LAMA1: variants seen among roughly 807,000 people sequenced by gnomAD.
LAMA1 encodes the protein laminin subunit alpha 1, also known as laminin subunit alpha-1.
LAMA1 carries 219 observed loss-of-function variants against 348.7 expected under a neutral mutation model. The ratio of observed to expected loss-of-function variants is 0.63; its 90% CI spans 0.56 to 0.70. The LOEUF (loss-of-function observed/expected upper bound fraction) is 0.70, where lower values mean the gene tolerates loss of function less well. LAMA1 is among the 30% of genes least tolerant of loss of function. The pLI is 0.00. For missense variants in LAMA1, 3,744 were observed against 3,888.0 expected, an observed-to-expected ratio of 0.96 and a Z score of 0.99; for synonymous variants, 1,487 against 1,491.0, an observed-to-expected ratio of 1.00 and a Z score of 0.06.
At chr18:7,049,484 G>A (rs554586555) in intron 4 of LAMA1, among the ~76,000 whole-genome samples, 2 of 152,170 alleles carry the variant, frequency 1.3e-5, no homozygotes, top group East Asian at 3.9e-4. Context: ...ATTTTTAGTA[G>A]AGACAGGGTT....
rs757473317 is a variant in LAMA1 at position 7,007,296 on chromosome 18, A to C, written c.4123-20T>G. 8.7e-6 allele frequency: 14 copies of C among 1,609,944 alleles called. No individual in the cohort carries two copies. Among genetic ancestry groups the C allele is most frequent in the Non-Finnish European group, 1.1e-5 (13 of 1,177,574 alleles). ...GCAGTCCTGAGGGGGTGCAAAAGGG[A>C]GGACAAAAAAGTCTGATTAATGAGT... On this transcript the variant is annotated intron_variant, in intron 28 of 62. Coordinates refer to ENST00000389658, the MANE Select transcript of LAMA1 (RefSeq NM_005559.4).
At chr18:7,081,302 C>T (rs1415209186) in intron 1 of LAMA1, among the ~76,000 whole-genome samples, 1 of 152,168 alleles carries the variant, frequency 6.6e-6, no homozygotes, top group Non-Finnish European at 1.5e-5. Context: ...ATATATTTAT[C>T]AATGCAATCC....
At chr18:6,983,937 C>T (rs1450561475) in intron 39 of LAMA1, among the ~76,000 whole-genome samples, 1 of 152,086 alleles carries the variant, frequency 6.6e-6, no homozygotes, top group Non-Finnish European at 1.5e-5. Context: ...ATATTAGCAG[C>T]TATTGTTTGT....
At chr18:7,018,541 G>A (rs1196920752) in intron 19 of LAMA1, among the ~76,000 whole-genome samples, 8 of 150,896 alleles carry the variant, frequency 5.3e-5, no homozygotes, top group Admixed American at 2.6e-4. Context: ...GACTACAGGC[G>A]CCTGCCACCA....
chr18:6,975,516 TAC>T (rs1448502964), intron 45 of LAMA1, among the ~76,000 whole-genome samples: 1 of 152,258 alleles, frequency 6.6e-6, no homozygotes, highest in Non-Finnish European at 1.5e-5. Flanking sequence ...TTTTCTGCCC[TAC>T]ACACCCCAGG....
chr18:7,011,564 A>AT, intron 24 of LAMA1, 85 bp from the exon 25 acceptor site: 4 of 1,203,752 alleles, frequency 3.3e-6, no homozygotes, highest in Non-Finnish European at 4.8e-6. Flanking sequence ...TCATTGTTTC[A>AT]CAGATGAAAC....
At position 7,037,583 on chromosome 18, in the gene LAMA1, T is replaced by C; in HGVS notation, c.1732A>G (p.Asn578Asp). Reference protein sequence around the residue: ...YWAAPEAYLGNKLTAFGGFLK... With the variant: ...YWAAPEAYLGDKLTAFGGFLK... Reference sequence around the variant, plus strand: ...ACCTGCAGGGTCACACGCACCTTATTTCCAAGGTAGGCCTCGGGGGCTGCC... The same window carrying C: ...ACCTGCAGGGTCACACGCACCTTATCTCCAAGGTAGGCCTCGGGGGCTGCC... Residue 578 changes from asparagine (N) to aspartate (D), a missense_variant, in exon 12 of 63, where the codon AAT (asparagine) becomes GAT (aspartate). This residue lies in a region of LAMA1 where 1,529 missense variants were observed against 1,689.4 expected (regional missense o/e 0.91). Transcript: ENST00000389658. 6.2e-7 allele frequency: 1 copy of C among 1,613,992 alleles called. No individual in the cohort carries two copies. Among genetic ancestry groups the C allele is most frequent in the Non-Finnish European group, 8.5e-7 (1 of 1,179,988 alleles).
chr18:7,026,629 A>C (rs554463914), intron 16 of LAMA1, among the ~76,000 whole-genome samples: 1 of 152,330 alleles, frequency 6.6e-6, no homozygotes, highest in East Asian at 1.9e-4. Context: ...TCCTTGACAA[A>C]GTATTCCGGC....
chr18:6,978,179 G>A lies in LAMA1; in HGVS notation c.6190+17C>T. 2 of 1,614,168 alleles carry A rather than the reference G, an allele frequency of 1.2e-6. No individual in the cohort carries two copies. The highest frequency in any genetic ancestry group is 1.1e-5 in the South Asian group (1 of 91,084). ...TGACGCAGACGATCATGACTGGAAG[G>A]AAGGGCGCTGACATACTGGCCATGG... On this transcript the variant is annotated intron_variant, in intron 43 of 62. Coordinates refer to ENST00000389658, the MANE Select transcript of LAMA1 (RefSeq NM_005559.4).
intron 11 of LAMA1, 93 bp from the exon 12 acceptor site, chr18:7,037,844 G>A (rs2058002468): frequency 1.5e-6 from 2 of 1,306,142 alleles, no homozygotes; most frequent in Non-Finnish European, 1.1e-6. Flanking sequence ...ATGAAGAAAT[G>A]GGCCAGAAAG....
chr18:6,967,205 A>G (rs917070000), intron 48 of LAMA1, among the ~76,000 whole-genome samples: 2 of 152,246 alleles, frequency 1.3e-5, no homozygotes, highest in African/African-American at 4.8e-5. Flanking sequence ...TGAGGTTTCA[A>G]ATGTATAACT....
chr18:7,050,718 T>C lies in LAMA1; in HGVS notation c.564A>G (p.Arg188=). Residue 188 remains arginine, a synonymous_variant, in exon 4 of 63, where the codon AGA becomes AGG. Coordinates refer to ENST00000389658, the MANE Select transcript of LAMA1 (RefSeq NM_005559.4). ...CCTCTCCATGCTCAAGTGGCACCAA[T>C]CTGGAATAATAGGAGGTGCAGATCA... is the stretch of plus-strand genomic sequence containing the variant. The part of the protein sequence containing the change: ...DEVICTSYYS[R]LVPLEHGEIH... 2 of 1,613,994 alleles carry C rather than the reference T, an allele frequency of 1.2e-6. No individual in the cohort carries two copies. Among genetic ancestry groups the C allele is most frequent in the Non-Finnish European group, 8.5e-7 (1 of 1,180,010 alleles).
intron 8 of LAMA1, 78 bp downstream of exon 8, chr18:7,043,149 G>A: frequency 1.4e-6 from 2 of 1,384,694 alleles, no homozygotes; most frequent in Non-Finnish European, 2.1e-6. Context: ...CTCCAATACA[G>A]AGGTTAAGAC....
chr18:6,966,153 G>A lies in LAMA1; in HGVS notation c.7044C>T (p.Tyr2348=), dbSNP rs550354848. 40 of 1,614,076 alleles carry A rather than the reference G, an allele frequency of 2.5e-5. No homozygotes were observed. Among genetic ancestry groups the A allele is most frequent in the South Asian group, 1.9e-4 (17 of 91,066 alleles). The change falls in exon 49 of 63, where the codon TAC becomes TAT. Residue 2348 remains tyrosine, a synonymous_variant. Coordinates refer to ENST00000389658, the MANE Select transcript of LAMA1 (RefSeq NM_005559.4). ...PNGLLLYLGS[Y]GTKDFLSIEL... ...GCCGCACAAACACTCTTACTGTGCC[G>A]TATGAACCCAGGTAGAGAAGAAGTC...
chr18:7,041,885 C>T (rs2058021954), intron 9 of LAMA1, among the ~76,000 whole-genome samples: 1 of 152,182 alleles, frequency 6.6e-6, no homozygotes, highest in Non-Finnish European at 1.5e-5. Context: ...ATGACACTAC[C>T]TCTCGACCTG....
At chr18:7,000,772 A>G (rs904219690) in intron 30 of LAMA1, among the ~76,000 whole-genome samples, 1 of 152,210 alleles carries the variant, frequency 6.6e-6, no homozygotes, top group African/African-American at 2.4e-5. Context: ...CCTTTTCGTT[A>G]GCAAGATGAA....
chr18:6,943,669 A>G (rs2057509934), intron 61 of LAMA1, among the ~76,000 whole-genome samples: 1 of 151,932 alleles, frequency 6.6e-6, no homozygotes, highest in Non-Finnish European at 1.5e-5. Flanking sequence ...AGCAACATGG[A>G]GAAACCCTGT....
At chr18:7,076,545 G>T (rs1356492024) in intron 3 of LAMA1, among the ~76,000 whole-genome samples, 8 of 152,048 alleles carry the variant, frequency 5.3e-5, no homozygotes, top group Admixed American at 3.9e-4. Context: ...AGGACAACTG[G>T]TCTGGTCTAT....
intron 29 of LAMA1, among the ~76,000 whole-genome samples, chr18:7,006,664 T>A (rs185734604): frequency 5.4e-4 from 83 of 152,296 alleles, no homozygotes; most frequent in African/African-American, 1.9e-3. Flanking sequence ...CACAGCCTAC[T>A]ACACGCCTAG....
Sources: allele counts gnomAD v4.1 joint callset (sites outside exome capture counted in the v4.1 genomes callset), GRCh38; gene constraint gnomAD v4.1.1; regional missense constraint gnomAD v4.1.1; transcripts MANE v1.5; gene names NCBI Gene and HGNC (gene_info 2026-07-23, HGNC 2026-07-21).